Variants in RANBP2 observed in about 807,000 individuals in gnomAD.
RANBP2 encodes E3 SUMO-protein ligase RanBP2.
Under a neutral mutation model 303.6 loss-of-function variants are expected in RANBP2, and 57 were observed. That is an observed-to-expected ratio of 0.19 (90% CI 0.15 to 0.23). RANBP2 has a LOEUF of 0.23. Ranked by LOEUF, RANBP2 falls within the 10% of genes least tolerant of loss-of-function variation. RANBP2 has a pLI of 1.00. For synonymous variants in RANBP2, 1,167 were observed against 1,301.5 expected (o/e 0.90, Z 2.23); for missense variants, 3,138 against 3,780.8 (o/e 0.83, Z 4.46).
At chr2:108,787,019 C>A (rs1028592088), downstream of RANBP2, 1 of 666,352 alleles carries the variant, frequency 1.5e-6, no homozygotes, top group East Asian at 3.8e-5. Flanking sequence ...GCTCTGGTCC[C>A]GGCCCCGGCA....
chr2:109,251,514 G>A, the RANBP2 span: 1,838 of 743,484 alleles, frequency 2.5e-3, 26 homozygotes, highest in African/African-American at 0.028. Flanking sequence ...AAGGAATATT[G>A]TGGTCATTTG....
chr2:109,541,188 G>C, the RANBP2 span, among the ~76,000 whole-genome samples: 1 of 152,162 alleles, frequency 6.6e-6, no homozygotes, highest in African/African-American at 2.4e-5. Context: ...GTGTGACTGG[G>C]ACTCTTAACC....
the RANBP2 span, among the ~76,000 whole-genome samples, chr2:109,170,395 G>A: frequency 1.3e-5 from 2 of 151,010 alleles, no homozygotes; most frequent in Admixed American, 6.6e-5. Context: ...GCCCAGGCTG[G>A]AGTGCAGTGG....
the RANBP2 span, among the ~76,000 whole-genome samples, chr2:109,177,613 G>A: frequency 6.6e-6 from 1 of 152,096 alleles, no homozygotes; most frequent in South Asian, 2.1e-4. Context: ...AGGCCACAGG[G>A]TGTTGAGGTG....
At chr2:109,709,476 T>C in the RANBP2 span, among the ~76,000 whole-genome samples, 1 of 152,226 alleles carries the variant, frequency 6.6e-6, no homozygotes, top group African/African-American at 2.4e-5. Flanking sequence ...TGCCCCACTC[T>C]GAGAGCCAGT....
chr2:109,414,367 C>T, the RANBP2 span, among the ~76,000 whole-genome samples: 7 of 152,328 alleles, frequency 4.6e-5, no homozygotes, highest in African/African-American at 1.7e-4. Context: ...CTGTCCTCCA[C>T]TGCTTGATTT....
the RANBP2 span, among the ~76,000 whole-genome samples, chr2:109,368,686 G>T: frequency 6.9e-6 from 1 of 144,334 alleles, no homozygotes; most frequent in South Asian, 2.2e-4. Flanking sequence ...AGATACCAGT[G>T]TGGATATCAT....
At chr2:108,866,704 G>GA in the RANBP2 span, among the ~76,000 whole-genome samples, 1 of 152,122 alleles carries the variant, frequency 6.6e-6, no homozygotes, top group Non-Finnish European at 1.5e-5. Context: ...CCAAGATAGT[G>GA]AAACCCCGTC....
At chr2:109,200,224 C>T in the RANBP2 span, among the ~76,000 whole-genome samples, 1 of 152,142 alleles carries the variant, frequency 6.6e-6, no homozygotes, top group African/African-American at 2.4e-5. Context: ...TCTGCAGAGT[C>T]GCCAGAGGGG....
At chr2:108,726,191 G>C (rs553369266) in intron 1 of RANBP2, among the ~76,000 whole-genome samples, 3 of 152,104 alleles carry the variant, frequency 2.0e-5, no homozygotes, top group Non-Finnish European at 4.4e-5. Flanking sequence ...CTCCTGCTCC[G>C]TCCTACCTAG....
intron 25 of RANBP2, among the ~76,000 whole-genome samples, chr2:108,779,206 G>T (rs1198568898): frequency 6.6e-6 from 1 of 152,138 alleles, no homozygotes; most frequent in Non-Finnish European, 1.5e-5. Flanking sequence ...CTGTTGCCCA[G>T]GCTGGAGTGC....
At chr2:109,100,765 G>C in the RANBP2 span, among the ~76,000 whole-genome samples, 2 of 152,058 alleles carry the variant, frequency 1.3e-5, no homozygotes, top group South Asian at 4.1e-4. Context: ...GAAAAAGGGA[G>C]ACAATAAGGA....
the RANBP2 span, among the ~76,000 whole-genome samples, chr2:109,060,863 T>C: frequency 6.6e-6 from 1 of 152,208 alleles, no homozygotes; most frequent in African/African-American, 2.4e-5. Flanking sequence ...ATATATAACA[T>C]ATATGTCTTC....
At chr2:109,132,024 T>C in the RANBP2 span, among the ~76,000 whole-genome samples, 2 of 152,138 alleles carry the variant, frequency 1.3e-5, no homozygotes, top group African/African-American at 4.8e-5. Flanking sequence ...CCCTATACAG[T>C]TGGTTGACAA....
chr2:109,366,012 A>G, the RANBP2 span, among the ~76,000 whole-genome samples: 5 of 152,242 alleles, frequency 3.3e-5, no homozygotes, highest in Non-Finnish European at 5.9e-5. Context: ...TCTGGCATAT[A>G]AGACAATTCT....
At chr2:109,715,309 T>C in the RANBP2 span, among the ~76,000 whole-genome samples, 1 of 152,144 alleles carries the variant, frequency 6.6e-6, no homozygotes, top group Admixed American at 6.6e-5. Flanking sequence ...GATTTCATCA[T>C]GTTGCCCAGG....
chr2:108,919,780 A>G, the RANBP2 span, among the ~76,000 whole-genome samples: 2 of 151,824 alleles, frequency 1.3e-5, no homozygotes, highest in African/African-American at 4.8e-5. Flanking sequence ...TCCGTGGGGC[A>G]CCTGCCCTCT....
chr2:108,789,231 T>C (rs1226339843), downstream of RANBP2, among the ~76,000 whole-genome samples: 1 of 152,174 alleles, frequency 6.6e-6, no homozygotes, highest in East Asian at 1.9e-4. Flanking sequence ...AAAAATATAT[T>C]TTTATGGTTA....
intron 3 of RANBP2, among the ~76,000 whole-genome samples, 194 bp from the exon 4 acceptor site, chr2:108,731,128 T>C (rs1015462299): frequency 1.3e-5 from 2 of 152,126 alleles, no homozygotes; most frequent in African/African-American, 4.8e-5. Flanking sequence ...CAAATATAAT[T>C]TTTATTTGAT....
Sources: gnomAD v4.1 joint callset for allele counts (sites outside exome capture counted in the v4.1 genomes callset) on GRCh38, gnomAD v4.1.1 for gene constraint, MANE v1.5 for transcripts, NCBI Gene and HGNC (gene_info 2026-07-23, HGNC 2026-07-21) for gene names.